CCSER1: variants seen among roughly 807,000 people sequenced by gnomAD.
CCSER1 encodes coiled-coil serine rich protein 1, also known as serine-rich coiled-coil domain-containing protein 1.
In CCSER1, 41 loss-of-function variants were observed where a neutral mutation model predicts 82.0. The ratio of observed to expected loss-of-function variants is 0.50; its 90% confidence interval spans 0.39 to 0.65. CCSER1 has a LOEUF of 0.65. Among genes scored for constraint, CCSER1 ranks in the 30% least tolerant of loss-of-function variants. The pLI is 0.00. For synonymous variants in CCSER1, 414 were observed against 383.9 expected, an observed-to-expected ratio of 1.08 and a Z score of -0.92; for missense variants, 1,119 against 1,064.2, an observed-to-expected ratio of 1.05 and a Z score of -0.72.
chr4:90,630,938 G>GGCT (rs1300233167), intron 6 of CCSER1, among the ~76,000 whole-genome samples: 1 of 150,494 alleles, frequency 6.6e-6, no homozygotes, highest in Non-Finnish European at 1.5e-5. Flanking sequence ...CTGTCACCCA[G>GGCT]GCTGGAGTGC....
chr4:90,323,544 T>G (rs1207201935), intron 3 of CCSER1, among the ~76,000 whole-genome samples: 1 of 152,212 alleles, frequency 6.6e-6, no homozygotes, highest in Non-Finnish European at 1.5e-5. Context: ...CGAGTCCCAA[T>G]GCAAAGCCTC....
intron 1 of CCSER1, among the ~76,000 whole-genome samples, chr4:90,203,960 T>C (rs1243305653): frequency 1.3e-5 from 2 of 152,244 alleles, no homozygotes; most frequent in East Asian, 3.8e-4. Context: ...GAGCTTTTTT[T>C]CCTATGTTTG....
At chr4:90,429,905 T>C (rs1758039687) in intron 4 of CCSER1, among the ~76,000 whole-genome samples, 1 of 151,850 alleles carries the variant, frequency 6.6e-6, no homozygotes, top group African/African-American at 2.4e-5. Flanking sequence ...AATTTCATCA[T>C]TTTAAAAATT....
intron 10 of CCSER1, among the ~76,000 whole-genome samples, chr4:91,272,368 C>T (rs1262628020): frequency 6.6e-6 from 1 of 152,082 alleles, no homozygotes; most frequent in African/African-American, 2.4e-5. Flanking sequence ...AGCATTTTTT[C>T]ATATATTTAT....
At chr4:90,883,046 C>A (rs1472892098) in intron 8 of CCSER1, among the ~76,000 whole-genome samples, 1 of 151,958 alleles carries the variant, frequency 6.6e-6, no homozygotes, top group Non-Finnish European at 1.5e-5. Context: ...AAAGCTAGGT[C>A]TAGAGAGGTA....
intron 10 of CCSER1, among the ~76,000 whole-genome samples, chr4:91,182,156 G>T (rs1407747262): frequency 6.6e-6 from 1 of 152,162 alleles, no homozygotes; most frequent in African/African-American, 2.4e-5. Flanking sequence ...CTCAGTGTCA[G>T]TCTCAACATG....
At chr4:90,744,518 A>G (rs1747086800) in intron 7 of CCSER1, among the ~76,000 whole-genome samples, 1 of 152,182 alleles carries the variant, frequency 6.6e-6, no homozygotes, top group Admixed American at 6.5e-5. Flanking sequence ...TTGGATACCT[A>G]TATCTGCATA....
intron 10 of CCSER1, among the ~76,000 whole-genome samples, chr4:91,228,376 A>G (rs1738369901): frequency 6.6e-6 from 1 of 152,070 alleles, no homozygotes; most frequent in African/African-American, 2.4e-5. Context: ...ACATACACAT[A>G]AATACTAAAA....
chr4:90,775,652 G>A (rs1359497299), intron 7 of CCSER1, among the ~76,000 whole-genome samples: 1 of 152,142 alleles, frequency 6.6e-6, no homozygotes, highest in African/African-American at 2.4e-5. Context: ...GCAGAATAAT[G>A]ATAATGGGTT....
rs1247662406 is a variant in CCSER1 at position 91,172,637 on chromosome 4, A to T, written c.2217+86643A>T. Among the ~76,000 whole-genome samples, 6 of 152,072 alleles carry T rather than the reference A, an allele frequency of 3.9e-5. No individual in the cohort carries two copies. In the East Asian group the frequency reaches 1.2e-3, roughly 29 times the overall value. On this transcript the variant is annotated intron_variant, in intron 10 of 10. Transcript: ENST00000509176. The stretch of plus-strand genomic sequence containing the variant: ...TTTGTCATCACACCACCCTAGTCAG[A>T]CTCTTCTGATCAACAGACACATAAC...
intron 5 of CCSER1, among the ~76,000 whole-genome samples, chr4:90,495,793 G>T (rs1251262090): frequency 6.6e-6 from 1 of 152,078 alleles, no homozygotes; most frequent in East Asian, 1.9e-4. Flanking sequence ...TATACAGTTT[G>T]GGGTTCTAGA....
chr4:91,170,186 G>T (rs1581699169), intron 10 of CCSER1, among the ~76,000 whole-genome samples: 4 of 152,226 alleles, frequency 2.6e-5, no homozygotes, highest in Admixed American at 2.6e-4. Context: ...CCTGATGTAA[G>T]GTTATGTAAG....
chr4:91,451,882 T>C (rs529167297), intron 10 of CCSER1, among the ~76,000 whole-genome samples: 2 of 152,150 alleles, frequency 1.3e-5, no homozygotes, highest in East Asian at 3.9e-4. Context: ...ATTACCATTA[T>C]CGAGAAGTAA....
At chr4:91,195,777 T>C (rs1453853391) in intron 10 of CCSER1, among the ~76,000 whole-genome samples, 2 of 152,186 alleles carry the variant, frequency 1.3e-5, no homozygotes, top group Admixed American at 1.3e-4. Context: ...TCTGCGTGGA[T>C]TACTGAGGGC....
chr4:90,912,650 C>T (rs375521854), intron 8 of CCSER1, among the ~76,000 whole-genome samples: 120 of 152,120 alleles, frequency 7.9e-4, no homozygotes, highest in Non-Finnish European at 1.5e-3. Context: ...ACGACATTGA[C>T]GAGCTGAGAG....
intron 5 of CCSER1, among the ~76,000 whole-genome samples, chr4:90,575,738 G>C (rs552048750): frequency 3.3e-5 from 5 of 151,540 alleles, no homozygotes; most frequent in African/African-American, 9.7e-5. Context: ...TTCTATTCTT[G>C]TGTGTTTGTA....
At chr4:91,103,123 C>T (rs374328344) in intron 10 of CCSER1, among the ~76,000 whole-genome samples, 24 of 152,112 alleles carry the variant, frequency 1.6e-4, no homozygotes, top group African/African-American at 5.6e-4. Context: ...ACTTTGCTGC[C>T]CTTCTCTCAG....
chr4:90,867,279 G>A (rs893256497), intron 8 of CCSER1, among the ~76,000 whole-genome samples: 1 of 151,938 alleles, frequency 6.6e-6, no homozygotes, highest in Non-Finnish European at 1.5e-5. Flanking sequence ...TAAAACAACA[G>A]CTCCACACAG....
At chr4:91,040,022 T>A (rs1301010125) in intron 9 of CCSER1, among the ~76,000 whole-genome samples, 1 of 152,174 alleles carries the variant, frequency 6.6e-6, no homozygotes, top group Non-Finnish European at 1.5e-5. Flanking sequence ...TTTATATGTT[T>A]GATTCTTTGA....
Sources: gnomAD v4.1 joint callset for allele counts (sites outside exome capture counted in the v4.1 genomes callset) on GRCh38, gnomAD v4.1.1 for gene constraint, MANE v1.5 for transcripts, NCBI Gene and HGNC (gene_info 2026-07-23, HGNC 2026-07-21) for gene names.